The following KIF26B variants were observed in gnomAD, a reference collection of about 807,000 sequenced individuals.
The protein encoded by KIF26B is kinesin family member 26B.
A neutral mutation model predicts 151.2 loss-of-function variants in KIF26B; 63 were observed. The observed-to-expected ratio is 0.42, with a 90% CI of 0.34 to 0.51. The LOEUF is 0.51. Among genes scored for constraint, KIF26B ranks in the 20% least tolerant of loss-of-function variants. The probability of loss-of-function intolerance (pLI) is 0.07; values close to 1 mark genes in which losing one functional copy is unlikely to be tolerated. For missense variants in KIF26B, 2,813 were observed against 2,913.6 expected (o/e 0.97, Z 0.79); for synonymous variants, 1,357 against 1,262.1 (o/e 1.08, Z -1.59).
chr1:245,560,636 C>G lies in KIF26B; in HGVS notation c.1350+19686C>G, dbSNP rs970212329. Among the ~76,000 whole-genome samples, 8 of 152,128 alleles carry G rather than the reference C, an allele frequency of 5.3e-5. No individual in the cohort carries two copies. Among genetic ancestry groups the G allele is most frequent in the African/African-American group, 1.9e-4 (8 of 41,418 alleles). The stretch of plus-strand genomic sequence containing the variant: ...ACTTCACGGAGGTTCTCAGAGACCC[C>G]ATAAGTTTCTGGAAAAGTGGGAAAC... On this transcript the variant is annotated intron_variant, in intron 5 of 14. Coordinates refer to ENST00000407071, the MANE Select transcript of KIF26B (RefSeq NM_018012.4). This position sits in a 1 kb window ranked among gnomAD's most constrained non-coding sequence, Gnocchi z 4.3.
At chr1:245,627,476 C>A (rs558219735) in intron 9 of KIF26B, among the ~76,000 whole-genome samples, 2 of 151,920 alleles carry the variant, frequency 1.3e-5, no homozygotes, top group South Asian at 4.2e-4. Flanking sequence ...TCTGGGACAC[C>A]GCTAAAGCAG....
chr1:245,647,633 C>T (rs1165204226), intron 10 of KIF26B, among the ~76,000 whole-genome samples: 1 of 151,870 alleles, frequency 6.6e-6, no homozygotes, highest in African/African-American at 2.4e-5. Context: ...CTGTAAAAAC[C>T]CTACAAAACC....
At chr1:245,552,168 TGTGG>T (rs1270533246) in intron 5 of KIF26B, among the ~76,000 whole-genome samples, 1 of 132,228 alleles carries the variant, frequency 7.6e-6, no homozygotes, top group East Asian at 2.3e-4. Flanking sequence ...TGTGTGTGTG[TGTGG>T]AGTGGGGGTG....
intron 4 of KIF26B, among the ~76,000 whole-genome samples, chr1:245,509,728 A>C (rs1176868578): frequency 6.6e-6 from 1 of 152,188 alleles, no homozygotes; most frequent in Non-Finnish European, 1.5e-5. Context: ...GGGACTCCAC[A>C]TGGAGAAACA....
intron 2 of KIF26B, among the ~76,000 whole-genome samples, chr1:245,333,756 G>A (rs1043614013): frequency 1.3e-5 from 2 of 152,162 alleles, no homozygotes; most frequent in Non-Finnish European, 2.9e-5. Flanking sequence ...CCAGCACTTC[G>A]GGAGGCCGAT....
chr1:245,522,046 T>A (rs1345619249), intron 4 of KIF26B, among the ~76,000 whole-genome samples: 3 of 152,062 alleles, frequency 2.0e-5, no homozygotes, highest in Admixed American at 6.6e-5. Context: ...ATTTTTTGTA[T>A]TTTTAGTAGA....
chr1:245,157,821 C>T (rs1320303847), intron 2 of KIF26B, among the ~76,000 whole-genome samples: 1 of 152,228 alleles, frequency 6.6e-6, no homozygotes, highest in Admixed American at 6.5e-5. Context: ...TTATTTCGCT[C>T]TTGCGTGCTA....
In KIF26B at chr1:245,474,170, A is replaced by G. The variant is rs536954969; in HGVS notation, c.1166+54425A>G. Among the ~76,000 whole-genome samples the G allele has an allele frequency of 2.0e-4, 30 of 146,358 alleles. 1 individual carries two copies. In the South Asian group the frequency reaches 6.1e-3, roughly 30 times the overall value. On this transcript the variant is annotated intron_variant, in intron 4 of 14. Coordinates refer to ENST00000407071, the MANE Select transcript of KIF26B (RefSeq NM_018012.4). ...GTCACCCAGTCTGGAGTGCAGTGGC[A>G]TGATCTCAGCTCACTGCAACCTCTG...
At chr1:245,346,391 G>A (rs960199564) in intron 2 of KIF26B, among the ~76,000 whole-genome samples, 6 of 152,094 alleles carry the variant, frequency 3.9e-5, no homozygotes, top group Non-Finnish European at 5.9e-5. Context: ...CCTCATCACT[G>A]CTCCATGATC....
chr1:245,322,256 C>G (rs1671901735), intron 2 of KIF26B, among the ~76,000 whole-genome samples: 1 of 151,952 alleles, frequency 6.6e-6, no homozygotes, highest in African/African-American at 2.4e-5. Flanking sequence ...AGCATTAGGA[C>G]AAATACCTAA....
intron 3 of KIF26B, among the ~76,000 whole-genome samples, chr1:245,416,649 G>C (rs997712672): frequency 2.0e-5 from 3 of 152,192 alleles, no homozygotes; most frequent in Admixed American, 2.0e-4. Flanking sequence ...AAGGCTTCTC[G>C]GAGGAAGTGA....
intron 2 of KIF26B, among the ~76,000 whole-genome samples, chr1:245,236,980 G>C (rs2103558123): frequency 6.6e-6 from 1 of 152,328 alleles, no homozygotes; most frequent in Middle Eastern, 3.4e-3. Context: ...ATTACTTAAG[G>C]CCGATCTGGG....
intron 4 of KIF26B, among the ~76,000 whole-genome samples, chr1:245,445,470 G>A (rs906944810): frequency 6.6e-6 from 1 of 152,232 alleles, no homozygotes; most frequent in Admixed American, 6.5e-5. Flanking sequence ...AGAGAAGTGC[G>A]TGCGTGCGCG....
chr1:245,459,440 G>C (rs1659603647), intron 4 of KIF26B, among the ~76,000 whole-genome samples: 1 of 152,140 alleles, frequency 6.6e-6, no homozygotes, highest in South Asian at 2.1e-4. Flanking sequence ...TGCAGACCAG[G>C]GGTTGCAGTT....
intron 2 of KIF26B, among the ~76,000 whole-genome samples, chr1:245,243,178 A>C (rs1176551412): frequency 1.3e-5 from 2 of 152,186 alleles, no homozygotes; most frequent in African/African-American, 4.8e-5. Flanking sequence ...TTCCAGTTGG[A>C]CATGCCCATC....
intron 9 of KIF26B, among the ~76,000 whole-genome samples, chr1:245,634,083 G>C (rs2043809304): frequency 6.6e-6 from 1 of 152,082 alleles, no homozygotes; most frequent in South Asian, 2.1e-4. Flanking sequence ...CAAAATGCTG[G>C]GATTACCGGT....
At chr1:245,521,925 A>T (rs185036495) in intron 4 of KIF26B, among the ~76,000 whole-genome samples, 3 of 134,908 alleles carry the variant, frequency 2.2e-5, no homozygotes, top group Non-Finnish European at 5.2e-5. Flanking sequence ...GATGGAGTGC[A>T]GTGGTGCGAT....
chr1:245,491,338 C>A (rs928011182), intron 4 of KIF26B, among the ~76,000 whole-genome samples: 1 of 152,240 alleles, frequency 6.6e-6, no homozygotes, highest in South Asian at 2.1e-4. Context: ...TTCCATGTAG[C>A]CCACCCTACT....
At chr1:245,524,809 T>G (rs1036025690) in intron 4 of KIF26B, among the ~76,000 whole-genome samples, 85 of 152,304 alleles carry the variant, frequency 5.6e-4, no homozygotes, top group African/African-American at 2.0e-3. Context: ...TTATCTTTAC[T>G]TCTTCCACCC....
Sources: allele counts gnomAD v4.1 joint callset (sites outside exome capture counted in the v4.1 genomes callset), GRCh38; gene constraint gnomAD v4.1.1; non-coding constraint Gnocchi (gnomAD v3.1); transcripts MANE v1.5; gene names NCBI Gene and HGNC (gene_info 2026-07-23, HGNC 2026-07-21).